The following MORC1 variants were observed in gnomAD, a reference collection of about 807,000 sequenced individuals.
The protein encoded by MORC1 is MORC family CW-type zinc finger 1.
MORC1 carries 59 observed loss-of-function variants against 134.9 expected under a neutral mutation model. That is an observed-to-expected ratio of 0.44 (90% confidence interval 0.35 to 0.54). The LOEUF (loss-of-function observed/expected upper bound fraction) is 0.54, where lower values mean the gene tolerates loss of function less well. MORC1 is among the 20% of genes least tolerant of loss of function. The pLI, the probability that MORC1 is intolerant of heterozygous loss-of-function variation, is 0.00. For synonymous variants in MORC1, 395 were observed against 391.7 expected, an observed-to-expected ratio of 1.01 and a Z score of -0.10; for missense variants, 947 against 1,134.5, an observed-to-expected ratio of 0.83 and a Z score of 2.37.
chr3:109,099,278 T>C (rs750925486), intron 6 of MORC1, 80 bp downstream of exon 6: 2 of 967,066 alleles, frequency 2.1e-6, no homozygotes, highest in Non-Finnish European at 3.1e-6. Flanking sequence ...AAAGAACCCA[T>C]GACAAGACTT....
intron 27 of MORC1, among the ~76,000 whole-genome samples, chr3:108,959,404 A>G (rs1259857795): frequency 6.6e-6 from 1 of 152,178 alleles, no homozygotes; most frequent in East Asian, 1.9e-4. Context: ...AAGCCTCCTC[A>G]GTCTAATCTC....
chr3:109,035,225 C>T, intron 15 of MORC1, 115 bp downstream of exon 15: 2 of 969,946 alleles, frequency 2.1e-6, no homozygotes, highest in South Asian at 1.7e-5. Context: ...ACTGTAAACT[C>T]CTGGAAAGCA....
intron 14 of MORC1, among the ~76,000 whole-genome samples, chr3:109,047,202 T>A (rs995076397): frequency 6.6e-6 from 1 of 152,186 alleles, no homozygotes; most frequent in Non-Finnish European, 1.5e-5. Flanking sequence ...AGGTTTCTGA[T>A]TGCAGTTTTA....
chr3:109,105,356 C>G (rs902124529), intron 3 of MORC1, among the ~76,000 whole-genome samples: 1 of 152,178 alleles, frequency 6.6e-6, no homozygotes, highest in African/African-American at 2.4e-5. Flanking sequence ...AACCCTGTCT[C>G]TACTAAAAAT....
chr3:109,063,067 G>C, intron 10 of MORC1, 85 bp downstream of exon 10: 1 of 997,258 alleles, frequency 1.0e-6, no homozygotes, highest in Non-Finnish European at 1.5e-6. Context: ...AATGCCTAGA[G>C]CAATGTATGT....
In MORC1 at chr3:109,094,982, T is replaced by C. The variant is rs1950801849; in HGVS notation, c.510A>G (p.Ile170Met). ...TTTTAAATGGGGAGTATTTATAAATTATAGATAATTCCATTGCAAATTTCT... is the reference window on the plus strand; with the variant it reads ...TTTTAAATGGGGAGTATTTATAAATCATAGATAATTCCATTGCAAATTTCT... Reference protein sequence around the residue: ...DPQKFAMELSIIYKYSPFKTE... With the variant: ...DPQKFAMELSMIYKYSPFKTE... The change falls in exon 7 of 28, where the codon ATA becomes ATG. Residue 170 changes from isoleucine (I) to methionine (M), a missense_variant. Physicochemically the swap from Ile to Met is conservative, Grantham distance 10. Around this residue, in one of 3 missense-constraint regions of MORC1, gnomAD observed 214 missense variants for 281.3 expected, o/e 0.76. Transcript: ENST00000232603. The C allele has an allele frequency of 2.5e-6, 4 of 1,595,780 alleles. No homozygotes were observed. In the East Asian group the frequency reaches 9.0e-5, roughly 36 times the overall value.
chr3:109,097,560 C>T (rs1208392201), intron 6 of MORC1, among the ~76,000 whole-genome samples: 1 of 152,070 alleles, frequency 6.6e-6, no homozygotes, highest in Admixed American at 6.5e-5. Context: ...GGGCAGATCA[C>T]AGGATGGCAG....
chr3:109,000,774 T>A (rs1357080162), intron 20 of MORC1, 116 bp from the exon 21 acceptor site: 1 of 718,224 alleles, frequency 1.4e-6, no homozygotes, highest in African/African-American at 1.8e-5. Context: ...GTAGGATATA[T>A]AGCGAAAATT....
intron 14 of MORC1, among the ~76,000 whole-genome samples, chr3:109,038,578 G>A (rs1237919602): frequency 5.3e-5 from 8 of 152,068 alleles, no homozygotes; most frequent in South Asian, 2.1e-4. Context: ...TAGGTCTTAC[G>A]TTTAAGTCTT....
intron 6 of MORC1, 22 bp downstream of exon 6, chr3:109,099,336 G>C: frequency 6.5e-7 from 1 of 1,548,920 alleles, no homozygotes; most frequent in Non-Finnish European, 8.8e-7. Flanking sequence ...TATGGGAACA[G>C]AAGGAAAACT....
intron 8 of MORC1, among the ~76,000 whole-genome samples, chr3:109,086,039 A>C (rs1451275816): frequency 6.6e-6 from 1 of 152,104 alleles, no homozygotes; most frequent in East Asian, 1.9e-4. Context: ...GAGCTTAAAA[A>C]GTGAATCTCA....
intron 24 of MORC1, 112 bp from the exon 25 acceptor site, chr3:108,971,514 C>CAT (rs1947379072): frequency 2.4e-6 from 2 of 826,954 alleles, no homozygotes. Flanking sequence ...CAAAGATGAA[C>CAT]ATTAGTTCCC....
At chr3:109,042,685 G>A (rs369285535) in intron 14 of MORC1, among the ~76,000 whole-genome samples, 158 of 152,222 alleles carry the variant, frequency 1.0e-3, no homozygotes, top group African/African-American at 3.7e-3. Context: ...CAATCTACAT[G>A]TCCATCAATA....
At chr3:109,072,942 CACACACACACACACACACACACAT>C (rs1485405269) in intron 8 of MORC1, among the ~76,000 whole-genome samples, 1,397 of 55,328 alleles carry the variant, frequency 0.025, 13 homozygotes, top group Admixed American at 0.041. Flanking sequence ...TCAACACACA[CACACACACACACACACACACACAT>C]ACACACACAC....
intron 20 of MORC1, among the ~76,000 whole-genome samples, chr3:109,001,678 C>G (rs1464909742): frequency 1.3e-5 from 2 of 152,230 alleles, no homozygotes; most frequent in Non-Finnish European, 2.9e-5. Context: ...TCTATACTCT[C>G]GTAGCTAGCC....
Position 109,031,409 on chromosome 3 carries a change from G to A in MORC1, c.1565+1311C>T, listed in dbSNP as rs957606709. On this transcript the variant is annotated intron_variant, in intron 16 of 27. Coordinates refer to ENST00000232603, the MANE Select transcript of MORC1 (RefSeq NM_014429.4). ...GATTTCACAGCTAATAGAACCAGGAGTCAAACCCAGGCAGTCTGTCTCCAG... is the reference window on the plus strand; with the variant it reads ...GATTTCACAGCTAATAGAACCAGGAATCAAACCCAGGCAGTCTGTCTCCAG... Among the ~76,000 whole-genome samples, 5 of 152,284 alleles carry A rather than the reference G, an allele frequency of 3.3e-5. No homozygotes were observed. The South Asian group carries it at 8.3e-4, about 25-fold the overall frequency.
chr3:109,049,891 C>A (rs1165590186), intron 14 of MORC1, among the ~76,000 whole-genome samples: 1 of 152,096 alleles, frequency 6.6e-6, no homozygotes, highest in Non-Finnish European at 1.5e-5. Flanking sequence ...AAATACAATA[C>A]TAGGACGGTA....
intron 16 of MORC1, 85 bp from the exon 17 acceptor site, chr3:109,027,974 G>A (rs1452675787): frequency 7.0e-7 from 1 of 1,421,386 alleles, no homozygotes; most frequent in African/African-American, 1.4e-5. Flanking sequence ...CTTCTACAAG[G>A]AGTTACTCTT....
intron 21 of MORC1, among the ~76,000 whole-genome samples, chr3:108,996,275 TGC>T (rs1553745284): frequency 6.6e-5 from 8 of 121,792 alleles, no homozygotes; most frequent in East Asian, 4.3e-4. Flanking sequence ...TGCGCGTGCG[TGC>T]GCGCGCGCGC....
Sources: gnomAD v4.1 joint callset for allele counts (sites outside exome capture counted in the v4.1 genomes callset) on GRCh38, gnomAD v4.1.1 for gene constraint, gnomAD v4.1.1 regional missense constraint, MANE v1.5 for transcripts, NCBI Gene and HGNC (gene_info 2026-07-23, HGNC 2026-07-21) for gene names.